Variants in PCDH9 observed in about 807,000 individuals in gnomAD.
PCDH9 encodes the protein protocadherin-9.
A neutral mutation model predicts 70.6 loss-of-function variants in PCDH9; 24 were observed. The observed-to-expected ratio is 0.34, with a 90% CI of 0.25 to 0.48. The LOEUF (loss-of-function observed/expected upper bound fraction) is 0.48, where lower values mean the gene tolerates loss of function less well. Ranked by LOEUF, PCDH9 falls within the 20% of genes least tolerant of loss-of-function variation. The pLI is 0.99. For synonymous variants in PCDH9, 562 were observed against 558.5 expected, an observed-to-expected ratio of 1.01 and a Z score of -0.09; for missense variants, 1,281 against 1,503.6, an observed-to-expected ratio of 0.85 and a Z score of 2.45.
At chr13:66,980,740 T>TG (rs1009808421) in intron 2 of PCDH9, among the ~76,000 whole-genome samples, 3 of 140,320 alleles carry the variant, frequency 2.1e-5, no homozygotes, top group African/African-American at 5.2e-5. Flanking sequence ...GTTTTTTTTT[T>TG]TGTTTTTTTT....
At chr13:66,647,386 G>C (rs2077786166) in intron 3 of PCDH9, among the ~76,000 whole-genome samples, 3 of 152,058 alleles carry the variant, frequency 2.0e-5, no homozygotes, top group African/African-American at 7.2e-5. Flanking sequence ...ACCAGGCAGA[G>C]TCTTGAGGCC....
At chr13:67,122,718 G>A (rs1247384858) in intron 2 of PCDH9, among the ~76,000 whole-genome samples, 1 of 151,352 alleles carries the variant, frequency 6.6e-6, no homozygotes, top group Non-Finnish European at 1.5e-5. Flanking sequence ...AGGTTGCAGG[G>A]AGCTGAGATC....
intron 2 of PCDH9, among the ~76,000 whole-genome samples, chr13:67,129,911 C>T (rs1465048401): frequency 6.6e-6 from 1 of 151,660 alleles, no homozygotes; most frequent in African/African-American, 2.4e-5. Context: ...GACCATATTC[C>T]TTATTATTAA....
intron 2 of PCDH9, among the ~76,000 whole-genome samples, chr13:66,941,864 A>G (rs1275355207): frequency 6.6e-6 from 1 of 151,960 alleles, no homozygotes; most frequent in Non-Finnish European, 1.5e-5. Flanking sequence ...AAAATAGCAG[A>G]ATGTATATTA....
At chr13:67,061,644 A>C (rs921694313) in intron 2 of PCDH9, among the ~76,000 whole-genome samples, 5 of 152,122 alleles carry the variant, frequency 3.3e-5, no homozygotes, top group African/African-American at 1.2e-4. Context: ...TTTGAAACCC[A>C]AATCAATTAA....
intron 3 of PCDH9, among the ~76,000 whole-genome samples, chr13:66,649,815 C>A (rs2077824782): frequency 6.6e-6 from 1 of 151,798 alleles, no homozygotes; most frequent in African/African-American, 2.4e-5. Flanking sequence ...AGGTAAAAAG[C>A]AGTGGGGCAA....
At chr13:66,611,483 A>C (rs1368707406) in intron 4 of PCDH9, among the ~76,000 whole-genome samples, 1 of 152,172 alleles carries the variant, frequency 6.6e-6, no homozygotes, top group African/African-American at 2.4e-5. Flanking sequence ...TTGATCCTAC[A>C]GAAATACCAA....
At chr13:66,967,656 A>C (rs926369177) in intron 2 of PCDH9, among the ~76,000 whole-genome samples, 9 of 152,016 alleles carry the variant, frequency 5.9e-5, no homozygotes, top group Admixed American at 5.3e-4. Context: ...AATACAAAAA[A>C]AAATTTTTTC....
chr13:67,081,607 T>C (rs746297577), intron 2 of PCDH9, among the ~76,000 whole-genome samples: 3 of 152,192 alleles, frequency 2.0e-5, no homozygotes, highest in Middle Eastern at 3.4e-3. Context: ...TAACAAAACA[T>C]AATCTGAGCT....
intron 2 of PCDH9, among the ~76,000 whole-genome samples, chr13:67,139,506 T>C (rs2087318708): frequency 6.6e-6 from 1 of 152,212 alleles, no homozygotes; most frequent in Non-Finnish European, 1.5e-5. Flanking sequence ...TGAAACCATT[T>C]AGGAACTTAC....
At chr13:66,928,014 C>T (rs2082743891) in intron 2 of PCDH9, among the ~76,000 whole-genome samples, 1 of 151,930 alleles carries the variant, frequency 6.6e-6, no homozygotes, top group Non-Finnish European at 1.5e-5. Context: ...CTCTCTGCAC[C>T]CCTGCCACAA....
At chr13:66,362,359 C>T (rs1262549970) in intron 4 of PCDH9, among the ~76,000 whole-genome samples, 1 of 152,106 alleles carries the variant, frequency 6.6e-6, no homozygotes, top group Non-Finnish European at 1.5e-5. Flanking sequence ...CAATACTATT[C>T]AGTTTAAGCA....
At chr13:66,399,028 T>C (rs901863897) in intron 4 of PCDH9, among the ~76,000 whole-genome samples, 3 of 152,276 alleles carry the variant, frequency 2.0e-5, no homozygotes, top group Admixed American at 6.5e-5. Context: ...TACTAACACA[T>C]GCAAATAGAA....
Position 67,071,441 on chromosome 13 carries a change from T to C in PCDH9, c.3036+153964A>G, listed in dbSNP as rs535377236. 2.6e-4 allele frequency among the ~76,000 whole-genome samples: 40 copies of C among 152,308 alleles called. 1 individual carries two copies. In the South Asian group the frequency reaches 8.1e-3, roughly 31 times the overall value. On this transcript the variant is annotated intron_variant, in intron 2 of 4. Transcript: ENST00000377865. ...AAACCTTGGTAGGGATATAAATTTATGCAATAGTGAAAGTAATTTGGTACT... is the reference window on the plus strand; with the variant it reads ...AAACCTTGGTAGGGATATAAATTTACGCAATAGTGAAAGTAATTTGGTACT...
Position 66,420,620 on chromosome 13 carries a change from CAGAA to C in PCDH9, c.3341-115596_3341-115593del, listed in dbSNP as rs1278503142. Among the ~76,000 whole-genome samples the C allele has an allele frequency of 5.9e-5, 9 of 152,254 alleles. No individual in the cohort carries two copies. In the East Asian group the frequency reaches 1.5e-3, roughly 26 times the overall value. On this transcript the variant is annotated intron_variant, in intron 4 of 4. Coordinates refer to ENST00000377865, the MANE Select transcript of PCDH9 (RefSeq NM_203487.3). ...GACTGTTAGAAGGAAAACTAACAAA[CAGAA>C]AGCAATAGCATCAATATCAACAAAA... is the stretch of plus-strand genomic sequence containing the variant.
intron 2 of PCDH9, among the ~76,000 whole-genome samples, chr13:67,197,972 T>C (rs1004235641): frequency 2.0e-5 from 3 of 151,662 alleles, no homozygotes; most frequent in Non-Finnish European, 3.0e-5. Context: ...CAAAACAGCA[T>C]AGATTTTCCA....
intron 4 of PCDH9, among the ~76,000 whole-genome samples, chr13:66,461,260 A>C (rs1412368555): frequency 2.0e-5 from 3 of 151,866 alleles, no homozygotes; most frequent in African/African-American, 7.2e-5. Flanking sequence ...CATTTTAGAA[A>C]ATTCTCTTTG....
intron 4 of PCDH9, among the ~76,000 whole-genome samples, chr13:66,600,604 C>T (rs2138843372): frequency 6.6e-6 from 1 of 151,864 alleles, no homozygotes; most frequent in African/African-American, 2.4e-5. Context: ...TCCTGCACAA[C>T]TGAAGTATTA....
chr13:66,955,309 G>C (rs774147630), intron 2 of PCDH9, among the ~76,000 whole-genome samples: 1 of 152,160 alleles, frequency 6.6e-6, no homozygotes, highest in Non-Finnish European at 1.5e-5. Flanking sequence ...TTATTTATTA[G>C]AGCATTAAAA....
Sources: allele counts gnomAD v4.1 joint callset (sites outside exome capture counted in the v4.1 genomes callset), GRCh38; gene constraint gnomAD v4.1.1; transcripts MANE v1.5; gene names NCBI Gene and HGNC (gene_info 2026-07-23, HGNC 2026-07-21).